Variants in FBXL17 observed in about 807,000 individuals in gnomAD.
FBXL17 encodes F-box/LRR-repeat protein 17.
A neutral mutation model predicts 66.2 loss-of-function variants in FBXL17; 22 were observed. The ratio of observed to expected loss-of-function variants is 0.33; its 90% CI spans 0.24 to 0.47. The LOEUF is 0.47. Ranked by LOEUF, FBXL17 falls within the 20% of genes least tolerant of loss-of-function variation. FBXL17 has a pLI of 1.00. For missense variants in FBXL17, 878 were observed against 948.2 expected (o/e 0.93, Z 0.97); for synonymous variants, 474 against 400.5 (o/e 1.18, Z -2.19).
intron 5 of FBXL17, among the ~76,000 whole-genome samples, chr5:108,188,279 T>A (rs1042781406): frequency 6.6e-6 from 1 of 152,284 alleles, no homozygotes; most frequent in South Asian, 2.1e-4. Context: ...TAGAGATAGC[T>A]GCGACAGATA....
intron 7 of FBXL17, among the ~76,000 whole-genome samples, chr5:107,924,666 A>G (rs1750442180): frequency 6.6e-6 from 1 of 152,178 alleles, no homozygotes; most frequent in Admixed American, 6.5e-5. Context: ...CAGTTCAGCA[A>G]TTCTGGACTT....
chr5:107,871,879 GA>G lies in FBXL17; in HGVS notation c.1965+9157del, dbSNP rs374777513. 5.5e-3 allele frequency among the ~76,000 whole-genome samples: 830 copies of G among 152,208 alleles called. 11 individuals carry two copies. Among genetic ancestry groups the G allele is most frequent in the African/African-American group, 0.019 (798 of 41,530 alleles). On this transcript the variant is annotated intron_variant, in intron 8 of 8. Coordinates refer to ENST00000542267, the MANE Select transcript of FBXL17 (RefSeq NM_001163315.3). ...TAAATTAAACTCATGAAGTTAAGCTGAAAAACATAATTGAGGGGGAAAGCTC... is the reference window on the plus strand; with the variant it reads ...TAAATTAAACTCATGAAGTTAAGCTGAAAACATAATTGAGGGGGAAAGCTC...
intron 7 of FBXL17, among the ~76,000 whole-genome samples, chr5:107,967,389 C>A (rs1752189321): frequency 6.6e-6 from 1 of 151,802 alleles, no homozygotes; most frequent in Non-Finnish European, 1.5e-5. Flanking sequence ...ATGTTGACAG[C>A]TAAGTTTATA....
At chr5:108,345,704 T>C (rs1747230396) in intron 4 of FBXL17, among the ~76,000 whole-genome samples, 1 of 151,910 alleles carries the variant, frequency 6.6e-6, no homozygotes, top group Non-Finnish European at 1.5e-5. Flanking sequence ...CATTACATCC[T>C]TATAGTTACA....
intron 7 of FBXL17, among the ~76,000 whole-genome samples, chr5:107,924,374 T>C (rs1580716400): frequency 6.6e-6 from 1 of 152,038 alleles, no homozygotes; most frequent in South Asian, 2.1e-4. Flanking sequence ...GTACAAGGAG[T>C]CTTATTAGAA....
At chr5:108,217,674 C>T (rs956857709) in intron 5 of FBXL17, among the ~76,000 whole-genome samples, 1 of 151,368 alleles carries the variant, frequency 6.6e-6, no homozygotes, top group Non-Finnish European at 1.5e-5. Context: ...ACTATATGTA[C>T]TACAGTCTAT....
intron 6 of FBXL17, among the ~76,000 whole-genome samples, chr5:108,093,582 A>C (rs1442760241): frequency 6.6e-6 from 1 of 152,180 alleles, no homozygotes; most frequent in Non-Finnish European, 1.5e-5. Context: ...AAAGTATTTT[A>C]TCATACAGTG....
chr5:108,165,241 G>A (rs1169882012), intron 6 of FBXL17, among the ~76,000 whole-genome samples: 1 of 152,162 alleles, frequency 6.6e-6, no homozygotes, highest in African/African-American at 2.4e-5. Flanking sequence ...AAGAAGTTGA[G>A]TGACAGGCAC....
At chr5:107,972,615 A>G (rs1318478953) in intron 7 of FBXL17, among the ~76,000 whole-genome samples, 1 of 152,102 alleles carries the variant, frequency 6.6e-6, no homozygotes, top group Non-Finnish European at 1.5e-5. Context: ...ACTGGTCAGC[A>G]TTCTATTTTT....
Position 107,901,794 on chromosome 5 carries a change from C to A in FBXL17, c.1823-20615G>T, listed in dbSNP as rs1749574554. Among the ~76,000 whole-genome samples, 8 of 152,152 alleles carry A rather than the reference C, an allele frequency of 5.3e-5. No homozygotes were observed. The South Asian group carries it at 1.7e-3, about 31-fold the overall frequency. On this transcript the variant is annotated intron_variant, in intron 7 of 8. Transcript: ENST00000542267. ...ACACAAAGATAAATGGCAACCAACA[C>A]TGGGCCTCCGAGTTGGGGAGATAAT...
chr5:107,980,535 C>A (rs1417703112), intron 7 of FBXL17, among the ~76,000 whole-genome samples: 8 of 148,050 alleles, frequency 5.4e-5, no homozygotes, highest in African/African-American at 2.0e-4. Flanking sequence ...AAGGTTTCAC[C>A]ATGTTGCCCA....
chr5:108,267,919 A>T, intron 4 of FBXL17, among the ~76,000 whole-genome samples: 1 of 152,064 alleles, frequency 6.6e-6, no homozygotes, highest in East Asian at 1.9e-4. Flanking sequence ...GTATTTTCTA[A>T]ATTTTATTAT....
chr5:108,205,122 A>C (rs544467421), intron 5 of FBXL17, among the ~76,000 whole-genome samples: 1 of 151,976 alleles, frequency 6.6e-6, no homozygotes, highest in Non-Finnish European at 1.5e-5. Flanking sequence ...CCTGTCTCTA[A>C]AAGTCACATC....
At chr5:107,963,196 G>T (rs930766628) in intron 7 of FBXL17, among the ~76,000 whole-genome samples, 6 of 152,066 alleles carry the variant, frequency 3.9e-5, no homozygotes, top group African/African-American at 1.4e-4. Context: ...GGGATTAGTC[G>T]AGGCATTAGA....
chr5:108,380,433 T>C (rs571812367), intron 1 of FBXL17, among the ~76,000 whole-genome samples: 1 of 152,268 alleles, frequency 6.6e-6, no homozygotes, highest in South Asian at 2.1e-4. Context: ...AACCACTGGG[T>C]TGGGATTCTA....
intron 6 of FBXL17, among the ~76,000 whole-genome samples, chr5:108,169,655 G>A (rs1752535347): frequency 6.6e-6 from 1 of 152,142 alleles, no homozygotes; most frequent in Non-Finnish European, 1.5e-5. Flanking sequence ...CTATGTTAGA[G>A]AATTCAGTGA....
At chr5:108,139,145 G>T (rs532208964) in intron 6 of FBXL17, among the ~76,000 whole-genome samples, 1 of 152,232 alleles carries the variant, frequency 6.6e-6, no homozygotes, top group African/African-American at 2.4e-5. Context: ...GTATGTGTGT[G>T]TTTGCACGCT....
intron 4 of FBXL17, among the ~76,000 whole-genome samples, chr5:108,256,203 C>T (rs1031749194): frequency 6.6e-6 from 1 of 152,132 alleles, no homozygotes; most frequent in African/African-American, 2.4e-5. Flanking sequence ...TTTACATTTA[C>T]ATCCCCTGCT....
At chr5:108,147,958 C>G (rs1751624118) in intron 6 of FBXL17, among the ~76,000 whole-genome samples, 1 of 150,876 alleles carries the variant, frequency 6.6e-6, no homozygotes, top group Non-Finnish European at 1.5e-5. Context: ...AAACTATCTT[C>G]CCAAACAATA....
Sources: gnomAD v4.1 joint callset for allele counts (sites outside exome capture counted in the v4.1 genomes callset) on GRCh38, gnomAD v4.1.1 for gene constraint, MANE v1.5 for transcripts, NCBI Gene and HGNC (gene_info 2026-07-23, HGNC 2026-07-21) for gene names.